Variants in TLE5 observed in about 807,000 individuals in gnomAD.
The protein encoded by TLE5 is TLE family member 5.
In TLE5, 7 loss-of-function variants were observed where a neutral mutation model predicts 25.8. The ratio of observed to expected loss-of-function variants is 0.27; its 90% CI spans 0.15 to 0.51. The LOEUF is 0.51. Ranked by LOEUF, TLE5 falls within the 20% of genes least tolerant of loss-of-function variation. The pLI, the probability that TLE5 is intolerant of heterozygous loss-of-function variation, is 0.97. For synonymous variants in TLE5, 132 were observed against 110.5 expected, an observed-to-expected ratio of 1.20 and a Z score of -1.22; for missense variants, 149 against 250.7, an observed-to-expected ratio of 0.59 and a Z score of 2.74.
At chr19:3,058,666 G>A (rs944193647) in intron 2 of TLE5, among the ~76,000 whole-genome samples, 11 of 152,158 alleles carry the variant, frequency 7.2e-5, no homozygotes, top group Non-Finnish European at 1.0e-4. Flanking sequence ...AGGCCCTCCC[G>A]GGAAGGATGA....
At chr19:3,061,383 T>C in intron 1 of TLE5, 126 bp from the exon 2 acceptor site, 1 of 652,170 alleles carries the variant, frequency 1.5e-6, no homozygotes, top group Non-Finnish European at 2.6e-6. Flanking sequence ...GGGCCCGTGT[T>C]TACGGCCCCT....
At chr19:3,055,558 G>A (rs558173385) in intron 5 of TLE5, 106 bp downstream of exon 5, 41 of 998,608 alleles carry the variant, frequency 4.1e-5, no homozygotes, top group East Asian at 1.1e-4. Flanking sequence ...GAGGGGAGGC[G>A]TGTGCCCTGG....
At chr19:3,057,767 G>A (rs375333346) in intron 2 of TLE5, 25 bp from the exon 3 acceptor site, 199 of 1,612,364 alleles carry the variant, frequency 1.2e-4, no homozygotes, top group Non-Finnish European at 1.6e-4. Context: ...GGGGGAGATG[G>A]GGTGGTTAGT....
chr19:3,054,433 A>G (rs1354976748), intron 5 of TLE5: 1 of 590,184 alleles, frequency 1.7e-6, no homozygotes, highest in Non-Finnish European at 3.0e-6. Context: ...AAAACAATTA[A>G]AAGGGTTTTG....
At chr19:3,054,080 C>A in intron 6 of TLE5, 40 bp from the exon 7 acceptor site, 1 of 1,557,734 alleles carries the variant, frequency 6.4e-7, no homozygotes, top group East Asian at 2.4e-5. Flanking sequence ...GCCTGGGGCC[C>A]ACCTGTCCCC....
At chr19:3,057,389 C>T (rs540569622) in intron 3 of TLE5, 6 of 440,964 alleles carry the variant, frequency 1.4e-5, no homozygotes, top group African/African-American at 6.0e-5. Context: ...CTTTCACAGC[C>T]GGTGAGCCTC....
Position 3,057,758 on chromosome 19 carries a change from G to A in TLE5, c.126-16C>T. On this transcript the variant is annotated splice_polypyrimidine_tract_variant and intron_variant, in intron 2 of 6. Coordinates refer to ENST00000327141, the MANE Select transcript of TLE5 (RefSeq NM_001130.6). ...GAGCTTGAGGCTGAGGAGGCACAGG[G>A]GGGAGATGGGGTGGTTAGTGGCGGC... 6.2e-7 allele frequency: 1 copy of A among 1,613,252 alleles called. No individual in the cohort carries two copies. Among genetic ancestry groups the A allele is most frequent in the Non-Finnish European group, 8.5e-7 (1 of 1,179,758 alleles).
At chr19:3,055,975 T>G (rs2090213560) in intron 4 of TLE5, 1 of 529,030 alleles carries the variant, frequency 1.9e-6, no homozygotes, top group East Asian at 3.2e-5. Context: ...GAGGCCAGAC[T>G]GCACATTCCT....
rs1384626035 is a variant in TLE5, at chr19:3,053,464, G to A, written c.*355C>T. On this transcript the variant is annotated 3_prime_UTR_variant, in exon 7 of 7. Transcript: ENST00000327141. The stretch of plus-strand genomic sequence containing the variant: ...AGGGCTGTGGCCCAGGCAGACTGTC[G>A]GTTACACATGTTCAAAACGGGGGAA... The A allele has an allele frequency of 7.2e-5, 23 of 321,440 alleles. No individual in the cohort carries two copies. Among genetic ancestry groups the A allele is most frequent in the Middle Eastern group, 1.9e-3 (2 of 1,046 alleles). The allele number at this position is 321,440 out of a possible 1,614,324, so 19.9% of individuals were successfully genotyped here. A position where few individuals can be genotyped will look rare whatever the true frequency, so the allele number is the denominator to read the frequency against.
rs749688096 is a variant in TLE5 at position 3,057,788 on chromosome 19, C to T, written c.126-46G>A. On this transcript the variant is annotated intron_variant, in intron 2 of 6. Transcript: ENST00000327141. ...GATGGGGTGGTTAGTGGCGGCTGGG[C>T]GGGAGCCCCCCACCCTCCGTTATCC... 28 of 1,576,140 alleles carry T rather than the reference C, an allele frequency of 1.8e-5. No homozygotes were observed. The South Asian group carries it at 2.0e-4, about 11-fold the overall frequency.
chr19:3,055,776 C>G (rs372008892), intron 4 of TLE5, 50 bp from the exon 5 acceptor site: 457 of 1,548,538 alleles, frequency 3.0e-4, no homozygotes, highest in Non-Finnish European at 3.9e-4. Flanking sequence ...GTGGCAGGTG[C>G]AGGCTAGCCA....
rs1435675937 is a variant in TLE5 at position 3,056,207 on chromosome 19, C to T, written c.234+105G>A. On this transcript the variant is annotated intron_variant, in intron 4 of 6. Transcript: ENST00000327141. ...TAACCGGGCTGGCTTGGTGCCCAGC[C>T]GAGGGCCGGCCGCTACCTGCCTGGG... 15 of 735,122 alleles carry T rather than the reference C, an allele frequency of 2.0e-5. No homozygotes were observed. The East Asian group carries it at 3.0e-4, about 15-fold the overall frequency. The allele number at this position is 735,122 out of a possible 1,614,324, so 45.5% of individuals were successfully genotyped here. A position where few individuals can be genotyped will look rare whatever the true frequency, so the allele number is the denominator to read the frequency against.
intron 4 of TLE5, chr19:3,056,084 C>G (rs556965435): frequency 1.9e-6 from 1 of 535,342 alleles, no homozygotes; most frequent in Non-Finnish European, 3.3e-6. Context: ...TCTGCCCCTC[C>G]CCACCACCGG....
At chr19:3,058,514 TG>T (rs566310688) in intron 2 of TLE5, among the ~76,000 whole-genome samples, 1 of 152,176 alleles carries the variant, frequency 6.6e-6, no homozygotes, top group African/African-American at 2.4e-5. Context: ...CCTAGCTTCA[TG>T]GGGGGCCTGG....
chr19:3,056,025 C>T, intron 4 of TLE5: 1 of 519,440 alleles, frequency 1.9e-6, no homozygotes, highest in Non-Finnish European at 3.4e-6. Context: ...GTAGTAAGCG[C>T]TTGTGCGAAT....
chr19:3,054,086 T>TCCGGGGGGGGCCCCCC, intron 6 of TLE5, 34 bp downstream of exon 6: 2 of 1,512,808 alleles, frequency 1.3e-6, no homozygotes, highest in Non-Finnish European at 1.8e-6. Flanking sequence ...GGCCCACCTG[T>TCCGGGGGGGGCCCCCC]CCCCCGCCCA....
chr19:3,060,419 G>A (rs770884868), intron 2 of TLE5, among the ~76,000 whole-genome samples: 4 of 127,642 alleles, frequency 3.1e-5, no homozygotes, highest in Admixed American at 2.0e-4. Flanking sequence ...TGCAACCTCC[G>A]CCTCACGGGT....
chr19:3,053,610 G>A lies in TLE5; in HGVS notation c.*209C>T. 1.6e-6 allele frequency: 1 copy of A among 610,026 alleles called. No homozygotes were observed. Among genetic ancestry groups the A allele is most frequent in the South Asian group, 2.0e-5 (1 of 50,110 alleles). The allele number at this position is 610,026 out of a possible 1,614,324, so 37.8% of individuals were successfully genotyped here. ...AGGTATCCACCTAACCAGGCTGCAG[G>A]GGAGGAGGAGGGAAGCCGGGAATGG... is the stretch of plus-strand genomic sequence containing the variant. On this transcript the variant is annotated 3_prime_UTR_variant, in exon 7 of 7. Transcript: ENST00000327141.
Position 3,056,106 on chromosome 19 carries a change from C to G in TLE5, c.234+206G>C, listed in dbSNP as rs922921769. On this transcript the variant is annotated intron_variant, in intron 4 of 6. Transcript: ENST00000327141. ...CTCCCCACCACCGGGAGAAACACTC[C>G]CAGGGAGGCCTGAAAAAGAGGCGGG... 5.7e-6 allele frequency: 3 copies of G among 530,794 alleles called. No individual in the cohort carries two copies. In the East Asian group the frequency reaches 9.9e-5, roughly 18 times the overall value. The allele number at this position is 530,794 out of a possible 1,614,324, so 32.9% of individuals were successfully genotyped here. A position where few individuals can be genotyped will look rare whatever the true frequency, so the allele number is the denominator to read the frequency against.
Sources: allele counts gnomAD v4.1 joint callset (sites outside exome capture counted in the v4.1 genomes callset), GRCh38; gene constraint gnomAD v4.1.1; transcripts MANE v1.5; gene names NCBI Gene and HGNC (gene_info 2026-07-23, HGNC 2026-07-21).